MAFB: variants seen among roughly 807,000 people sequenced by gnomAD.
MAFB encodes transcription factor MafB.
A neutral mutation model predicts 17.7 loss-of-function variants in MAFB; 3 were observed. That is an observed-to-expected ratio of 0.17 (90% confidence interval 0.08 to 0.44). The LOEUF (loss-of-function observed/expected upper bound fraction) is 0.44. Ranked by LOEUF, MAFB falls within the 20% of genes least tolerant of loss-of-function variation. MAFB has a pLI of 0.99. For synonymous variants in MAFB, 214 were observed against 211.5 expected, an observed-to-expected ratio of 1.01 and a Z score of -0.10; for missense variants, 355 against 461.3, an observed-to-expected ratio of 0.77 and a Z score of 2.11.
rs1016321497 is a variant in MAFB at position 40,688,708 on chromosome 20, C to T, written c.143G>A (p.Arg48His). The T allele has an allele frequency of 1.9e-6, 3 of 1,613,890 alleles. No homozygotes were observed. The highest frequency in any genetic ancestry group is 1.7e-6 in the Non-Finnish European group (2 of 1,179,912). ...RAERPGRPCT[R>H]LQPAGSVSST... ...GGACACCGAGCCGGCTGGCTGCAGG[C>T]GTGTGCAGGGCCTGCCCGGACGCTC... The change falls in exon 1 of 1, where the codon CGC (arginine) becomes CAC (histidine). Residue 48 changes from arginine to histidine, a missense_variant. Around this residue, in one of 3 missense-constraint regions of MAFB, gnomAD observed 285 missense variants for 350.0 expected, o/e 0.81. Transcript: ENST00000373313.
rs1986894283 is a variant in MAFB, at chr20:40,688,504, G to A, written c.347C>T (p.Pro116Leu). 1 of 1,612,632 alleles carries A rather than the reference G, an allele frequency of 6.2e-7. No homozygotes were observed. The highest frequency in any genetic ancestry group is 8.5e-7 in the Non-Finnish European group (1 of 1,179,822). Reference protein sequence around the residue: ...DAVEALIGSHPVPQPLQSFDS... With the variant: ...DAVEALIGSHLVPQPLQSFDS... ...GAAGCTTTGCAGCGGCTGTGGCACT[G>A]GGTGCGAGCCGATGAGCGCTTCCAC... Residue 116 changes from proline (P) to leucine (L), a missense_variant, in exon 1 of 1, where the codon CCA becomes CTA. Physicochemically the swap from Pro to Leu is moderately conservative, Grantham distance 98. Coordinates refer to ENST00000373313, the MANE Select transcript of MAFB (RefSeq NM_005461.5).
In MAFB at chr20:40,687,984, G is replaced by C; in HGVS notation, c.867C>G (p.Arg289=). 1.2e-6 allele frequency: 2 copies of C among 1,614,092 alleles called. No individual in the cohort carries two copies. Among genetic ancestry groups the C allele is most frequent in the Non-Finnish European group, 1.7e-6 (2 of 1,180,034 alleles). The change falls in exon 1 of 1, where the codon CGC becomes CGG. Residue 289 remains arginine, a synonymous_variant. Transcript: ENST00000373313. ...ACTTGACCTTGTAGGCGTCTCTCTC[G>C]CGGGCCAGCCGGGACACCTCCTGCT... ...QLKQEVSRLA[R]ERDAYKVKCE... is the part of the protein sequence containing the mutation.
In MAFB at chr20:40,686,035, G is replaced by T. The variant is rs1368709493; in HGVS notation, c.*1844C>A. The stretch of plus-strand genomic sequence containing the variant: ...ATAAAAACAATTTCTGTTGCGGCAG[G>T]TTTGATTTCAACACAGTTGAATCTG... On this transcript the variant is annotated 3_prime_UTR_variant, in exon 1 of 1. Coordinates refer to ENST00000373313, the MANE Select transcript of MAFB (RefSeq NM_005461.5). 1 of 191,368 alleles carries T rather than the reference G, an allele frequency of 5.2e-6. No homozygotes were observed. The highest frequency in any genetic ancestry group is 6.2e-5 in the Admixed American group (1 of 16,240). 11.9% of individuals were successfully genotyped at this position (191,368 alleles called of 1,614,324 possible).
Position 40,688,923 on chromosome 20 carries a change from G to T in MAFB, c.-73C>A. On this transcript the variant is annotated 5_prime_UTR_variant, in exon 1 of 1. Transcript: ENST00000373313. ...CCGGCCGGAGCGCGCCGAGCCAAGC[G>T]CGGGGGGGAAGAGCGGAGAAGAGCT... 6.6e-7 allele frequency: 1 copy of T among 1,510,370 alleles called. No individual in the cohort carries two copies. Among genetic ancestry groups the T allele is most frequent in the Non-Finnish European group, 8.8e-7 (1 of 1,137,518 alleles). The allele number at this position is 1,510,370 out of a possible 1,614,324, so 93.6% of individuals were successfully genotyped here. A position where few individuals can be genotyped will look rare whatever the true frequency, so the allele number is the denominator to read the frequency against.
chr20:40,689,102 C>A lies in MAFB; in HGVS notation c.-252G>T. ...AGGGACCGGGCCGGGTAGAGTCGGG[C>A]GGGGTGGAGAGGCAAGCGGAGCGCG... On this transcript the variant is annotated 5_prime_UTR_variant, in exon 1 of 1. Transcript: ENST00000373313. 1 of 467,784 alleles carries A rather than the reference C, an allele frequency of 2.1e-6. No homozygotes were observed. Among genetic ancestry groups the A allele is most frequent in the Non-Finnish European group, 3.6e-6 (1 of 280,020 alleles). The allele number at this position is 467,784 out of a possible 1,614,324, so 29.0% of individuals were successfully genotyped here.
chr20:40,688,864 C>T lies in MAFB; in HGVS notation c.-14G>A, dbSNP rs1254981031. 2 of 1,571,576 alleles carry T rather than the reference C, an allele frequency of 1.3e-6. No homozygotes were observed. The highest frequency in any genetic ancestry group is 1.7e-6 in the Non-Finnish European group (2 of 1,161,916). ...CTCCGCGGCCATCGCTGAAGCGAGG[C>T]GCAGCCGCCGCTGCCGCCCGGGAAA... is the stretch of plus-strand genomic sequence containing the variant. On this transcript the variant is annotated 5_prime_UTR_variant, in exon 1 of 1. Transcript: ENST00000373313.
rs1986895985 is a variant in MAFB at position 40,688,538 on chromosome 20, C to G, written c.313G>C (p.Glu105Gln). 1 of 1,613,960 alleles carries G rather than the reference C, an allele frequency of 6.2e-7. No individual in the cohort carries two copies. Among genetic ancestry groups the G allele is most frequent in the Non-Finnish European group, 8.5e-7 (1 of 1,179,968 alleles). ...CCGATGAGCGCTTCCACCGCGTCCTCGGGCGTCAGGTTGAGCGCCTCGGGG... is the reference window on the plus strand; with the variant it reads ...CCGATGAGCGCTTCCACCGCGTCCTGGGGCGTCAGGTTGAGCGCCTCGGGG... ...MNPEALNLTPEDAVEALIGSH... is the reference protein window; with the variant it reads ...MNPEALNLTPQDAVEALIGSH... Residue 105 changes from glutamate to glutamine, a missense_variant, in exon 1 of 1, where the codon GAG (glutamate) becomes CAG (glutamine). Transcript: ENST00000373313.
In MAFB at chr20:40,688,318, C is replaced by T; in HGVS notation, c.533G>A (p.Ser178Asn). 6.6e-7 allele frequency: 1 copy of T among 1,513,368 alleles called. No homozygotes were observed. The highest frequency in any genetic ancestry group is 8.7e-7 in the Non-Finnish European group (1 of 1,143,318). The allele number at this position is 1,513,368 out of a possible 1,614,324, so 93.7% of individuals were successfully genotyped here. Residue 178 changes from serine (S) to asparagine (N), a missense_variant, in exon 1 of 1, where the codon AGC becomes AAC. Physicochemically the swap from Ser to Asn is conservative, Grantham distance 46. Around this residue, in one of 3 missense-constraint regions of MAFB, gnomAD observed 285 missense variants for 350.0 expected, o/e 0.81. Coordinates refer to ENST00000373313, the MANE Select transcript of MAFB (RefSeq NM_005461.5). ...QASPPPSSAASPAQQLPTSHP... is the reference protein window; with the variant it reads ...QASPPPSSAANPAQQLPTSHP... ...GCTAGTGGGCAGCTGTTGCGCCGGG[C>T]TAGCGGCGCTGGACGGCGGCGGCGA...
chr20:40,686,199 C>T lies in MAFB; in HGVS notation c.*1680G>A, dbSNP rs1019140289. On this transcript the variant is annotated 3_prime_UTR_variant, in exon 1 of 1. Transcript: ENST00000373313. ...ACTCAAAAATGCATCCGGCCAGCAG[C>T]GCCAGCAATTTCAAATGGGAACTTA... is the stretch of plus-strand genomic sequence containing the variant. 7 of 207,768 alleles carry T rather than the reference C, an allele frequency of 3.4e-5. No individual in the cohort carries two copies. The highest frequency in any genetic ancestry group is 3.0e-4 in the East Asian group (4 of 13,558). The allele number at this position is 207,768 out of a possible 1,614,324, so 12.9% of individuals were successfully genotyped here.
Position 40,686,841 on chromosome 20 carries a change from G to A in MAFB, c.*1038C>T, listed in dbSNP as rs1986839608. 2 of 398,536 alleles carry A rather than the reference G, an allele frequency of 5.0e-6. No homozygotes were observed. Among genetic ancestry groups the A allele is most frequent in the South Asian group, 1.3e-4 (1 of 7,860 alleles). 24.7% of individuals were successfully genotyped at this position (398,536 alleles called of 1,614,324 possible). On this transcript the variant is annotated 3_prime_UTR_variant, in exon 1 of 1. Transcript: ENST00000373313. ...AACAAGGTTGAAAACTAAAGCGAGA[G>A]AGGAAAAAGAGGACCGAATGGGGAT...
In MAFB at chr20:40,687,680, T is replaced by C; in HGVS notation, c.*199A>G. ...GAGGCGGCGCTGGCGTGCGCTACTC[T>C]CGCCTTAGCCAAGGTCCCCTGCCCG... On this transcript the variant is annotated 3_prime_UTR_variant, in exon 1 of 1. Transcript: ENST00000373313. The C allele has an allele frequency of 1.6e-6, 1 of 642,548 alleles. No individual in the cohort carries two copies. Among genetic ancestry groups the C allele is most frequent in the Admixed American group, 2.9e-5 (1 of 33,934 alleles). The allele number at this position is 642,548 out of a possible 1,614,324, so 39.8% of individuals were successfully genotyped here. A position where few individuals can be genotyped will look rare whatever the true frequency, so the allele number is the denominator to read the frequency against.
chr20:40,686,568 G>GAGCGCTGTGGCTCCTACAATT lies in MAFB; in HGVS notation c.*1290_*1310dup. 1 of 397,490 alleles carries GAGCGCTGTGGCTCCTACAATT rather than the reference G, an allele frequency of 2.5e-6. No homozygotes were observed. The highest frequency in any genetic ancestry group is 1.4e-4 in the South Asian group (1 of 7,018). The allele number at this position is 397,490 out of a possible 1,614,324, so 24.6% of individuals were successfully genotyped here. ...GGGATGGCTAAGCCTCTCACCCTAG[G>GAGCGCTGTGGCTCCTACAATT]AGCGCTGTGGCTCCTACAATTAGCG... On this transcript the variant is annotated 3_prime_UTR_variant, in exon 1 of 1. Coordinates refer to ENST00000373313, the MANE Select transcript of MAFB (RefSeq NM_005461.5).
rs1472635239 is a variant in MAFB, at chr20:40,686,318, C to T, written c.*1561G>A. On this transcript the variant is annotated 3_prime_UTR_variant, in exon 1 of 1. Transcript: ENST00000373313. ...AAAAGTAATAATAAAGAAAAACACC[C>T]ATATCTTCCCTATAACTACTATACA... 4.2e-6 allele frequency: 1 copy of T among 236,788 alleles called. No homozygotes were observed. The highest frequency in any genetic ancestry group is 8.2e-6 in the Non-Finnish European group (1 of 121,482). The allele number at this position is 236,788 out of a possible 1,614,324, so 14.7% of individuals were successfully genotyped here.
In MAFB at chr20:40,687,850, C is replaced by T. The variant is rs576225083; in HGVS notation, c.*29G>A. On this transcript the variant is annotated 3_prime_UTR_variant, in exon 1 of 1. Coordinates refer to ENST00000373313, the MANE Select transcript of MAFB (RefSeq NM_005461.5). ...GTGGGACAGGGAGTCCGGGCCGGGG[C>T]AAGGGCGGGGGCCAGGACCGGCCAC... 2.5e-6 allele frequency: 4 copies of T among 1,599,288 alleles called. No individual in the cohort carries two copies. The highest frequency in any genetic ancestry group is 3.3e-5 in the Admixed American group (2 of 59,748).
chr20:40,688,243 C>T lies in MAFB; in HGVS notation c.608G>A (p.Gly203Asp). Residue 203 changes from glycine (G) to aspartate (D), a missense_variant, in exon 1 of 1, where the codon GGC (glycine) becomes GAC (aspartate). By Grantham distance (94) the Gly-to-Asp change is moderately conservative (BLOSUM62 -1). Around this residue, in one of 3 missense-constraint regions of MAFB, gnomAD observed 285 missense variants for 350.0 expected, o/e 0.81. Transcript: ENST00000373313. ...HATASATAAG[G>D]NGSVEDRFSD... ...GAAGCGGTCCTCCACGCTGCCGTTG[C>T]CGCCCGCCGCCGTCGCCGAGGCCGT... is the stretch of plus-strand genomic sequence containing the variant. 2.6e-6 allele frequency: 4 copies of T among 1,555,698 alleles called. No individual in the cohort carries two copies. The highest frequency in any genetic ancestry group is 1.3e-5 in the African/African-American group (1 of 74,160).
Position 40,686,125 on chromosome 20 carries a change from T to C in MAFB, c.*1754A>G, listed in dbSNP as rs939687811. ...ACAATATTTAAAACTGCAAGCACCA[T>C]GCGGTTCATACAATCTTGTTATTAC... On this transcript the variant is annotated 3_prime_UTR_variant, in exon 1 of 1. Transcript: ENST00000373313. 7.4e-5 allele frequency: 15 copies of C among 201,344 alleles called. No homozygotes were observed. The highest frequency in any genetic ancestry group is 2.8e-4 in the African/African-American group (12 of 43,500). The allele number at this position is 201,344 out of a possible 1,614,324, so 12.5% of individuals were successfully genotyped here. A position where few individuals can be genotyped will look rare whatever the true frequency, so the allele number is the denominator to read the frequency against.
chr20:40,687,766 A>T lies in MAFB; in HGVS notation c.*113T>A, dbSNP rs1986864408. On this transcript the variant is annotated 3_prime_UTR_variant, in exon 1 of 1. Coordinates refer to ENST00000373313, the MANE Select transcript of MAFB (RefSeq NM_005461.5). ...CCTTCCTCCCTCTCGCTCAAGTCAAACAGGTCAAGGCTGGGGCCGCGGCAG... is the reference window on the plus strand; with the variant it reads ...CCTTCCTCCCTCTCGCTCAAGTCAATCAGGTCAAGGCTGGGGCCGCGGCAG... 4 of 1,294,806 alleles carry T rather than the reference A, an allele frequency of 3.1e-6. No homozygotes were observed. Among genetic ancestry groups the T allele is most frequent in the Non-Finnish European group, 4.2e-6 (4 of 963,780 alleles). The allele number at this position is 1,294,806 out of a possible 1,614,324, so 80.2% of individuals were successfully genotyped here.
rs756368724 is a variant in MAFB at position 40,688,403 on chromosome 20, C to T, written c.448G>A (p.Val150Met). ...HPHHAYPGAGVAHDELGPHAH... is the reference protein window; with the variant it reads ...HPHHAYPGAGMAHDELGPHAH... The stretch of plus-strand genomic sequence containing the variant: ...TGCGGGCCCAGCTCGTCGTGGGCCA[C>T]GCCGGCGCCCGGGTACGCGTGGTGC... Residue 150 changes from valine (V) to methionine (M), a missense_variant, in exon 1 of 1, where the codon GTG becomes ATG. By Grantham distance (21) the Val-to-Met change is conservative (BLOSUM62 1). This residue lies in a region of MAFB where 285 missense variants were observed against 350.0 expected (regional missense o/e 0.81). Transcript: ENST00000373313. 18 of 1,572,876 alleles carry T rather than the reference C, an allele frequency of 1.1e-5. No individual in the cohort carries two copies. Among genetic ancestry groups the T allele is most frequent in the Non-Finnish European group, 1.4e-5 (16 of 1,164,930 alleles).
Position 40,687,382 on chromosome 20 carries a change from G to C in MAFB, c.*497C>G. On this transcript the variant is annotated 3_prime_UTR_variant, in exon 1 of 1. Transcript: ENST00000373313. ...TCTCCGAACTCTGACAGACAGGTCC[G>C]TCTGTCCTTCCTTCTTTCGCTCAGC... 1 of 393,440 alleles carries C rather than the reference G, an allele frequency of 2.5e-6. No homozygotes were observed. 24.4% of individuals were successfully genotyped at this position (393,440 alleles called of 1,614,324 possible). A position where few individuals can be genotyped will look rare whatever the true frequency, so the allele number is the denominator to read the frequency against.
Sources: allele counts gnomAD v4.1 joint callset, GRCh38; gene constraint gnomAD v4.1.1; regional missense constraint gnomAD v4.1.1; transcripts MANE v1.5; gene names NCBI Gene and HGNC (gene_info 2026-07-23, HGNC 2026-07-21).